Variants in RPAP2 observed in about 807,000 individuals in gnomAD.
RPAP2 encodes the protein RNA polymerase II associated protein 2.
In RPAP2, 52 loss-of-function variants were observed where a neutral mutation model predicts 73.1. The ratio of observed to expected loss-of-function variants is 0.71; its 90% confidence interval spans 0.57 to 0.90. RPAP2 has a LOEUF of 0.90. Among genes scored for constraint, RPAP2 ranks in the 40% least tolerant of loss-of-function variants. The pLI is 0.00. For missense variants in RPAP2, 598 were observed against 701.8 expected (o/e 0.85, Z 1.67); for synonymous variants, 225 against 242.1 (o/e 0.93, Z 0.65).
At position 92,305,450 on chromosome 1, in the gene RPAP2, A is replaced by AAAAAAAAAAAAAAAAAAAAAAC. The variant is rs1202528088; in HGVS notation, c.399+1102_399+1103insAAAAAAAAAAAAAAAAAAAACA. Among the ~76,000 whole-genome samples, 2 of 141,852 alleles carry AAAAAAAAAAAAAAAAAAAAAAC rather than the reference A, an allele frequency of 1.4e-5. 1 individual carries two copies. Among genetic ancestry groups the AAAAAAAAAAAAAAAAAAAAAAC allele is most frequent in the African/African-American group, 5.9e-5 (2 of 33,766 alleles). 93.1% of individuals were successfully genotyped at this position (141,852 alleles called of 152,430 possible). A position where few individuals can be genotyped will look rare whatever the true frequency, so the allele number is the denominator to read the frequency against. ...TCCGTCTCAAAAAAAAAAAAAAAAAAAGACAATATGGGAAGATATAAACTT... is the reference window on the plus strand; with the variant it reads ...TCCGTCTCAAAAAAAAAAAAAAAAAAAAAAAAAAAAAAAAAAAAAAACAGACAATATGGGAAGATATAAACTT... On this transcript the variant is annotated intron_variant, in intron 5 of 12. Transcript: ENST00000610020.
chr1:92,303,250 G>GA (rs1650986787), intron 3 of RPAP2, among the ~76,000 whole-genome samples: 1 of 152,148 alleles, frequency 6.6e-6, no homozygotes, highest in African/African-American at 2.4e-5. Context: ...AACTGCATCA[G>GA]AATCTGCATA....
At position 92,301,502 on chromosome 1, in the gene RPAP2, G is replaced by A. The variant is rs1650855992; in HGVS notation, c.146G>A (p.Arg49Lys). 1.9e-6 allele frequency: 3 copies of A among 1,593,232 alleles called. No homozygotes were observed. Among genetic ancestry groups the A allele is most frequent in the African/African-American group, 2.7e-5 (2 of 73,886 alleles). Residue 49 changes from arginine (R) to lysine (K), a missense_variant, in exon 3 of 13, where the codon AGA (arginine) becomes AAA (lysine). Transcript: ENST00000610020. The stretch of plus-strand genomic sequence containing the variant: ...AAAGCTGAACTAGAAGCAGCTGTGA[G>A]AAAGAAGATTGAATTTGAGAGAAAA... ...KRKAELEAAV[R>K]KKIEFERKAL...
chr1:92,304,290 A>G lies in RPAP2; in HGVS notation c.340A>G (p.Lys114Glu), dbSNP rs764571658. The change falls in exon 5 of 13, where the codon AAA becomes GAA. Residue 114 changes from lysine (K) to glutamate (E), a missense_variant. Coordinates refer to ENST00000610020, the MANE Select transcript of RPAP2 (RefSeq NM_024813.3). ...TGTACTTTCTTTTCTTTAGGTACCA[A>G]AACAGAAATATAAAATTTCTACCAA... ...LCQKKLGIVPKQKYKISTKTN... is the reference protein window; with the variant it reads ...LCQKKLGIVPEQKYKISTKTN... 6.8e-7 allele frequency: 1 copy of G among 1,480,856 alleles called. No homozygotes were observed. Among genetic ancestry groups the G allele is most frequent in the South Asian group, 1.2e-5 (1 of 84,376 alleles). The allele number at this position is 1,480,856 out of a possible 1,614,324, so 91.7% of individuals were successfully genotyped here.
rs1656185937 is a variant in RPAP2, at chr1:92,396,516, A to G, written c.*9505A>G. The G allele has an allele frequency of 6.6e-6, 1 of 152,160 alleles. No homozygotes were observed. Among genetic ancestry groups the G allele is most frequent in the Non-Finnish European group, 1.5e-5 (1 of 68,042 alleles). 9.4% of individuals were successfully genotyped at this position (152,160 alleles called of 1,614,324 possible). A position where few individuals can be genotyped will look rare whatever the true frequency, so the allele number is the denominator to read the frequency against. ...TACAGTCCAGAAAAGGCATATACTA[A>G]ATTAGCAGTTGCATGGGTCTGATGT... is the stretch of plus-strand genomic sequence containing the variant. On this transcript the variant is annotated 3_prime_UTR_variant, in exon 13 of 13. Coordinates refer to ENST00000610020, the MANE Select transcript of RPAP2 (RefSeq NM_024813.3).
chr1:92,374,079 G>A (rs1266548844), intron 11 of RPAP2, among the ~76,000 whole-genome samples: 1 of 152,126 alleles, frequency 6.6e-6, no homozygotes, highest in African/African-American at 2.4e-5. Context: ...TAAATAAATG[G>A]TTATGGCTGT....
chr1:92,373,760 A>AT (rs1036857065), intron 11 of RPAP2, among the ~76,000 whole-genome samples: 10 of 147,882 alleles, frequency 6.8e-5, no homozygotes, highest in Non-Finnish European at 1.3e-4. Flanking sequence ...AAAAAAAAAA[A>AT]AAAAAAAAAA....
chr1:92,400,527 C>T lies in RPAP2; in HGVS notation c.*13516C>T, dbSNP rs942529072. 6.6e-6 allele frequency: 1 copy of T among 152,086 alleles called. No homozygotes were observed. Among genetic ancestry groups the T allele is most frequent in the Non-Finnish European group, 1.5e-5 (1 of 68,026 alleles). The allele number at this position is 152,086 out of a possible 1,614,324, so 9.4% of individuals were successfully genotyped here. A position where few individuals can be genotyped will look rare whatever the true frequency, so the allele number is the denominator to read the frequency against. On this transcript the variant is annotated 3_prime_UTR_variant, in exon 13 of 13. Coordinates refer to ENST00000610020, the MANE Select transcript of RPAP2 (RefSeq NM_024813.3). ...TATATTTTTTAGAGACAGGGTGTCA[C>T]TATGTTACCCAGGTCTCAATCACTA...
At chr1:92,330,811 T>C (rs1652922617) in intron 8 of RPAP2, among the ~76,000 whole-genome samples, 1 of 152,200 alleles carries the variant, frequency 6.6e-6, no homozygotes, top group African/African-American at 2.4e-5. Context: ...CACACAAAGA[T>C]AGACTAATAC....
At chr1:92,351,853 T>C (rs1654235969) in intron 11 of RPAP2, among the ~76,000 whole-genome samples, 1 of 152,176 alleles carries the variant, frequency 6.6e-6, no homozygotes, top group African/African-American at 2.4e-5. Flanking sequence ...CCAAATTTAA[T>C]ATAAAAGCTT....
chr1:92,368,083 T>C (rs1360518710), intron 11 of RPAP2, among the ~76,000 whole-genome samples: 1 of 152,144 alleles, frequency 6.6e-6, no homozygotes, highest in Non-Finnish European at 1.5e-5. Context: ...TCAGTATGAG[T>C]GCAGTGAGCA....
At chr1:92,311,666 A>G (rs915692702) in intron 6 of RPAP2, among the ~76,000 whole-genome samples, 2 of 152,226 alleles carry the variant, frequency 1.3e-5, no homozygotes, top group African/African-American at 4.8e-5. Context: ...TGTGAAAGCC[A>G]GTAAGTACAG....
intron 11 of RPAP2, among the ~76,000 whole-genome samples, chr1:92,347,598 A>G (rs1027939555): frequency 6.6e-6 from 1 of 152,222 alleles, no homozygotes; most frequent in East Asian, 1.9e-4. Flanking sequence ...TATCTAAAAT[A>G]TATAGCAAAG....
chr1:92,330,996 T>C (rs1652931392), intron 8 of RPAP2, among the ~76,000 whole-genome samples: 1 of 151,972 alleles, frequency 6.6e-6, no homozygotes, highest in Non-Finnish European at 1.5e-5. Flanking sequence ...ACTGTTGGGG[T>C]GTGGTGGTTT....
rs1267325421 is a variant in RPAP2 at position 92,394,550 on chromosome 1, G to C, written c.*7539G>C. 6.6e-6 allele frequency: 1 copy of C among 152,196 alleles called. No individual in the cohort carries two copies. 9.4% of individuals were successfully genotyped at this position (152,196 alleles called of 1,614,324 possible). ...CACCTGTAGTCCCAGCTACTTGAGA[G>C]GCTACATTGGGAGGATTGCCTGAGC... is the stretch of plus-strand genomic sequence containing the variant. On this transcript the variant is annotated 3_prime_UTR_variant, in exon 13 of 13. Transcript: ENST00000610020.
chr1:92,330,299 G>A (rs1383263536), intron 8 of RPAP2, among the ~76,000 whole-genome samples: 1 of 152,114 alleles, frequency 6.6e-6, no homozygotes, highest in East Asian at 1.9e-4. Context: ...GGTTTTGGTT[G>A]TAATCATTTG....
At chr1:92,353,571 T>C (rs996194679) in intron 11 of RPAP2, among the ~76,000 whole-genome samples, 1 of 152,200 alleles carries the variant, frequency 6.6e-6, no homozygotes, top group South Asian at 2.1e-4. Flanking sequence ...TATAAATGTC[T>C]GAACAGTAGC....
chr1:92,382,334 G>A (rs1655678244), intron 12 of RPAP2, among the ~76,000 whole-genome samples: 1 of 152,164 alleles, frequency 6.6e-6, no homozygotes, highest in African/African-American at 2.4e-5. Context: ...AGATCCCTGA[G>A]GAATCGCCAC....
intron 10 of RPAP2, among the ~76,000 whole-genome samples, chr1:92,338,648 AT>A (rs11455274): frequency 0.31 from 44,784 of 142,632 alleles, 7,169 homozygotes; most frequent in Non-Finnish European, 0.36. Context: ...CTGATCATTG[AT>A]TTTTTTTTTT....
chr1:92,344,074 T>C (rs1402052231), intron 10 of RPAP2, among the ~76,000 whole-genome samples: 1 of 152,184 alleles, frequency 6.6e-6, no homozygotes, highest in Non-Finnish European at 1.5e-5. Context: ...TTTACTGCCA[T>C]AAACAATATT....
Sources: gnomAD v4.1 joint callset for allele counts (sites outside exome capture counted in the v4.1 genomes callset) on GRCh38, gnomAD v4.1.1 for gene constraint, MANE v1.5 for transcripts, NCBI Gene and HGNC (gene_info 2026-07-23, HGNC 2026-07-21) for gene names.